Variants in ITIH4 observed in about 807,000 individuals in gnomAD.
ITIH4 encodes the protein inter-alpha-trypsin inhibitor heavy chain 4, also known as inter-alpha-trypsin inhibitor heavy chain H4.
A neutral mutation model predicts 111.8 loss-of-function variants in ITIH4; 79 were observed. The ratio of observed to expected loss-of-function variants is 0.71; its 90% CI spans 0.59 to 0.85. The LOEUF (loss-of-function observed/expected upper bound fraction) is 0.85, where lower values mean the gene tolerates loss of function less well. Among genes scored for constraint, ITIH4 ranks in the 40% least tolerant of loss-of-function variants. The pLI is 0.00. For synonymous variants in ITIH4, 472 were observed against 468.3 expected (o/e 1.01, Z -0.10); for missense variants, 1,065 against 1,195.8 (o/e 0.89, Z 1.61).
rs1700311901 is a variant in ITIH4, at chr3:52,818,131, A to G, written c.2217T>C (p.Pro739=). The G allele has an allele frequency of 6.2e-7, 1 of 1,613,470 alleles. No individual in the cohort carries two copies. The highest frequency in any genetic ancestry group is 1.7e-5 in the Admixed American group (1 of 59,972). ...CACAGAGCCGCTCCACACTCTGCCC[A>G]GGCAGTGGCAGGATGGCAGAGGGAG... The part of the protein sequence containing the change: ...IQAPSAILPL[P]GQSVERLCVD... The change falls in exon 20 of 24, where the codon CCT becomes CCC. Residue 739 remains proline (P), a synonymous_variant. Transcript: ENST00000266041.
intron 20 of ITIH4, 54 bp downstream of exon 20, chr3:52,817,998 G>T (rs1700308784): frequency 7.5e-7 from 1 of 1,331,152 alleles, no homozygotes; most frequent in Non-Finnish European, 1.1e-6. Context: ...TCTGTAGGCA[G>T]GTGGTGGGTG....
intron 11 of ITIH4, chr3:52,822,158 A>G (rs780735249): frequency 1.3e-5 from 2 of 152,194 alleles, no homozygotes; most frequent in East Asian, 1.9e-4. Context: ...CCTGGCTAAC[A>G]AGGTGAAACT....
chr3:52,824,187 C>T lies in ITIH4; in HGVS notation c.1171+3G>A, dbSNP rs370744093. ...GTCCTGGAGTCACGGGCAGGGCCCT[C>T]ACCCACAGTGGGGTCGCCATCGGTG... is the stretch of plus-strand genomic sequence containing the variant. On this transcript the variant is annotated splice_donor_region_variant and intron_variant, in intron 9 of 23. Coordinates refer to ENST00000266041, the MANE Select transcript of ITIH4 (RefSeq NM_002218.5). The surrounding 1 kb of genome is among the most constrained non-coding windows in gnomAD (Gnocchi z 4.3). 1.4e-5 allele frequency: 23 copies of T among 1,613,106 alleles called. No individual in the cohort carries two copies. The highest frequency in any genetic ancestry group is 1.9e-5 in the Non-Finnish European group (22 of 1,179,856).
intron 21 of ITIH4, among the ~76,000 whole-genome samples, chr3:52,816,602 A>T (rs533011070): frequency 6.6e-6 from 1 of 152,244 alleles, no homozygotes; most frequent in South Asian, 2.1e-4. Flanking sequence ...GCTCAGAGGG[A>T]CTTAGCTGCC....
At chr3:52,821,582 C>A (rs966144776) in intron 11 of ITIH4, among the ~76,000 whole-genome samples, 1 of 152,212 alleles carries the variant, frequency 6.6e-6, no homozygotes, top group Admixed American at 6.5e-5. Flanking sequence ...GAGAACACAA[C>A]TCAGATGTCA....
rs1020782269 is a variant in ITIH4 at position 52,830,578 on chromosome 3, A to G, written c.65T>C (p.Ile22Thr). Residue 22 changes from isoleucine to threonine, a missense_variant, in exon 1 of 24, where the codon ATC (isoleucine) becomes ACC (threonine). By Grantham distance (89) the Ile-to-Thr change is moderately conservative (BLOSUM62 -1). Transcript: ENST00000266041. The stretch of plus-strand genomic sequence containing the variant: ...CTTTTCGGCAGTAGTAGTCTGGTGG[A>G]TGGCCAGCAGTGAAAGCAGGACGAG... The part of the protein sequence containing the change: ...KVLVLLSLLA[I>T]HQTTTAEKNG... 1.2e-6 allele frequency: 2 copies of G among 1,614,184 alleles called. No homozygotes were observed. The highest frequency in any genetic ancestry group is 1.7e-6 in the Non-Finnish European group (2 of 1,180,006).
rs575971148 is a variant in ITIH4 at position 52,830,457 on chromosome 3, C to A, written c.90+96G>T. ...TTGCACACACAGGGATGCACACGCA[C>A]TTGTGCTGACACGCTGGCACATGCG... On this transcript the variant is annotated intron_variant, in intron 1 of 23. Transcript: ENST00000266041. 2.8e-5 allele frequency: 34 copies of A among 1,206,662 alleles called. No individual in the cohort carries two copies. In the South Asian group the frequency reaches 4.1e-4, roughly 15 times the overall value. The allele number at this position is 1,206,662 out of a possible 1,614,324, so 74.7% of individuals were successfully genotyped here. A position where few individuals can be genotyped will look rare whatever the true frequency, so the allele number is the denominator to read the frequency against.
intron 20 of ITIH4, among the ~76,000 whole-genome samples, chr3:52,817,437 T>C (rs1350035439): frequency 6.6e-6 from 1 of 152,174 alleles, no homozygotes; most frequent in Non-Finnish European, 1.5e-5. Context: ...AGGAAAGACA[T>C]TCCTAGCCTG....
Position 52,829,139 on chromosome 3 carries a change from G to A in ITIH4, c.231C>T (p.Ala77=), listed in dbSNP as rs150181495. ...CCTACATGGAGAAGTTGGTGATGAA[G>A]GCTTTCTTGGGCAGCTCCATCTGGA... The part of the protein sequence containing the change: ...ATFQMELPKK[A]FITNFSMIID... Residue 77 remains alanine (A), a synonymous_variant, in exon 2 of 24, where the codon GCC becomes GCT. Transcript: ENST00000266041. 0.011 allele frequency: 18,212 copies of A among 1,609,564 alleles called. 1,812 individuals carry two copies. In the South Asian group the frequency reaches 0.18, roughly 16 times the overall value.
rs1013422203 is a variant in ITIH4 at position 52,813,174 on chromosome 3, T to C, written c.*247A>G. On this transcript the variant is annotated 3_prime_UTR_variant, in exon 24 of 24. Coordinates refer to ENST00000266041, the MANE Select transcript of ITIH4 (RefSeq NM_002218.5). ...AGCTCAGCATGGGCCTTCCTGGCCA[T>C]GGGCTCTTGAGAGCTGACAGTGGAA... 6.0e-6 allele frequency: 3 copies of C among 497,094 alleles called. No homozygotes were observed. The highest frequency in any genetic ancestry group is 3.5e-5 in the Admixed American group (1 of 28,392). The allele number at this position is 497,094 out of a possible 1,614,324, so 30.8% of individuals were successfully genotyped here.
At chr3:52,819,153 C>A (rs1700328616) in intron 17 of ITIH4, 1 of 509,212 alleles carries the variant, frequency 2.0e-6, no homozygotes, top group African/African-American at 1.9e-5. Context: ...AAGGATGGGG[C>A]AGGGGGCAGC....
At chr3:52,820,936 T>C in intron 12 of ITIH4, 55 bp downstream of exon 12, 2 of 1,595,086 alleles carry the variant, frequency 1.3e-6, no homozygotes, top group Middle Eastern at 3.5e-4. Flanking sequence ...CGCTGTACCG[T>C]GCCACCTGTG....
chr3:52,819,712 C>G (rs374522625), intron 16 of ITIH4, 42 bp downstream of exon 16: 31 of 1,605,424 alleles, frequency 1.9e-5, no homozygotes, highest in African/African-American at 4.0e-5. Context: ...AGCTCCCCCC[C>G]AGGGATGTCA....
intron 11 of ITIH4, 147 bp from the exon 12 acceptor site, chr3:52,821,277 G>T (rs1487020213): frequency 4.2e-6 from 4 of 960,150 alleles, no homozygotes; most frequent in Non-Finnish European, 6.2e-6. Context: ...TGGGGGTAAG[G>T]AGGGGGCTTA....
intron 1 of ITIH4, 76 bp from the exon 2 acceptor site, chr3:52,829,355 G>A (rs1215395873): frequency 3.4e-6 from 5 of 1,482,066 alleles, no homozygotes; most frequent in African/African-American, 2.8e-5. Context: ...TCAAGAGTTG[G>A]CCCTGACTCT....
chr3:52,827,095 G>T lies in ITIH4; in HGVS notation c.354C>A (p.Val118=), dbSNP rs756585699. The T allele has an allele frequency of 9.9e-6, 16 of 1,613,866 alleles. No individual in the cohort carries two copies. Among genetic ancestry groups the T allele is most frequent in the Admixed American group, 1.7e-5 (1 of 60,004 alleles). The change falls in exon 3 of 24, where the codon GTC becomes GTA. Residue 118 remains valine, a splice_region_variant and synonymous_variant. Transcript: ENST00000266041. ...AVAKGKSAGL[V]KATGRNMEQF... ...GAAGCTGCCCCCCACCAGCTCACTTGACGAGGCCAGCGCTCTTTCCCTTGG... is the reference window on the plus strand; with the variant it reads ...GAAGCTGCCCCCCACCAGCTCACTTTACGAGGCCAGCGCTCTTTCCCTTGG...
chr3:52,820,055 G>A, intron 14 of ITIH4, 65 bp from the exon 15 acceptor site: 1 of 1,537,808 alleles, frequency 6.5e-7, no homozygotes, highest in Non-Finnish European at 9.0e-7. Flanking sequence ...ACTTGGATGG[G>A]GACTGTATTC....
At chr3:52,829,419 A>ACT in intron 1 of ITIH4, 140 bp from the exon 2 acceptor site, 1 of 851,148 alleles carries the variant, frequency 1.2e-6, no homozygotes, top group Non-Finnish European at 1.8e-6. Flanking sequence ...ACCAGGCCTC[A>ACT]GGCTGAACCC....
chr3:52,813,867 C>T, intron 23 of ITIH4, 108 bp downstream of exon 23: 1 of 848,552 alleles, frequency 1.2e-6, no homozygotes, highest in Non-Finnish European at 1.9e-6. Flanking sequence ...CGGACTGTGT[C>T]TAGTTCCTGG....
Sources: gnomAD v4.1 joint callset for allele counts (sites outside exome capture counted in the v4.1 genomes callset) on GRCh38, gnomAD v4.1.1 for gene constraint, Gnocchi (gnomAD v3.1) non-coding constraint, MANE v1.5 for transcripts, NCBI Gene and HGNC (gene_info 2026-07-23, HGNC 2026-07-21) for gene names.